Variants in ALMS1 observed in about 807,000 individuals in gnomAD.
The protein encoded by ALMS1 is centrosome-associated protein ALMS1.
A neutral mutation model predicts 352.2 loss-of-function variants in ALMS1; 271 were observed. The observed-to-expected ratio is 0.77, with a 90% CI of 0.70 to 0.85. The LOEUF (loss-of-function observed/expected upper bound fraction) is 0.85, where lower values mean the gene tolerates loss of function less well. Ranked by LOEUF, ALMS1 falls within the 40% of genes least tolerant of loss-of-function variation. The pLI, the probability that ALMS1 is intolerant of heterozygous loss-of-function variation, is 0.00. For missense variants in ALMS1, 5,445 were observed against 4,870.7 expected (o/e 1.12, Z -3.51); for synonymous variants, 1,865 against 1,761.2 (o/e 1.06, Z -1.48).
chr2:73,465,511 G>A (rs1192211271), intron 9 of ALMS1, among the ~76,000 whole-genome samples: 6 of 152,172 alleles, frequency 3.9e-5, no homozygotes, highest in Admixed American at 2.6e-4. Flanking sequence ...AGACTTACAT[G>A]TTAGTCCGAA....
intron 16 of ALMS1, among the ~76,000 whole-genome samples, chr2:73,595,808 CT>C (rs2104177060): frequency 6.6e-6 from 1 of 152,278 alleles, no homozygotes; most frequent in Non-Finnish European, 1.5e-5. Context: ...TATTGTCCAC[CT>C]TTTTATTTAT....
intron 10 of ALMS1, among the ~76,000 whole-genome samples, chr2:73,510,994 A>T (rs1249160942): frequency 6.6e-6 from 1 of 152,202 alleles, no homozygotes; most frequent in Non-Finnish European, 1.5e-5. Flanking sequence ...TGTGAGGGGA[A>T]AACTGCCTAC....
rs145391601 is a variant in ALMS1, at chr2:73,414,242, G to T, written c.451-4881G>T. ...TCAGTGTGCCAATCTTACACGTTTT[G>T]TTAGACTTACTGGTATTTTTAGAAA... On this transcript the variant is annotated intron_variant, in intron 2 of 22. Transcript: ENST00000613296. Among the ~76,000 whole-genome samples the T allele has an allele frequency of 6.0e-3, 913 of 151,870 alleles. 6 individuals are homozygous for T. The highest frequency in any genetic ancestry group is 0.01 in the Middle Eastern group (3 of 292).
At chr2:73,587,690 T>G (rs1675340805) in intron 16 of ALMS1, among the ~76,000 whole-genome samples, 1 of 152,214 alleles carries the variant, frequency 6.6e-6, no homozygotes, top group South Asian at 2.1e-4. Context: ...GGTATTTTGT[T>G]GAGGACTTTT....
At chr2:73,471,039 AT>A (rs1672455360) in intron 9 of ALMS1, 1 of 151,872 alleles carries the variant, frequency 6.6e-6, no homozygotes. Flanking sequence ...TATTTTTAAA[AT>A]TAATTCAGCC....
chr2:73,435,528 G>A (rs1325795867), intron 7 of ALMS1, among the ~76,000 whole-genome samples: 1 of 127,942 alleles, frequency 7.8e-6, no homozygotes, highest in Non-Finnish European at 1.8e-5. Flanking sequence ...CTCCCGTATA[G>A]CTCTATTCCC....
chr2:73,575,915 C>T (rs1371075341), intron 16 of ALMS1, among the ~76,000 whole-genome samples: 1 of 151,844 alleles, frequency 6.6e-6, no homozygotes, highest in Admixed American at 6.6e-5. Context: ...AATCCAGTGT[C>T]GTGAAAGTTT....
chr2:73,395,072 A>ATT (rs1558628491), intron 1 of ALMS1, among the ~76,000 whole-genome samples: 2 of 107,614 alleles, frequency 1.9e-5, no homozygotes, highest in Non-Finnish European at 1.8e-5. Flanking sequence ...ATATATATAT[A>ATT]TATATATTTT....
intron 12 of ALMS1, among the ~76,000 whole-genome samples, chr2:73,542,950 T>G (rs6546845): frequency 0.34 from 51,060 of 151,924 alleles, 10,729 homozygotes; most frequent in African/African-American, 0.59. Context: ...CAAGGTAATT[T>G]ATAGATTCAG....
chr2:73,445,373 C>A (rs563230630), intron 7 of ALMS1, among the ~76,000 whole-genome samples: 1 of 152,224 alleles, frequency 6.6e-6, no homozygotes, highest in South Asian at 2.1e-4. Context: ...ACCCATTAAC[C>A]ATCCTCCTCA....
intron 10 of ALMS1, among the ~76,000 whole-genome samples, chr2:73,501,243 A>G (rs1280049154): frequency 2.0e-5 from 3 of 151,780 alleles, no homozygotes; most frequent in Non-Finnish European, 2.9e-5. Flanking sequence ...TATTGTGAAT[A>G]TTTTCTCATA....
chr2:73,547,383 C>G (rs1674344657), intron 12 of ALMS1, among the ~76,000 whole-genome samples: 1 of 152,218 alleles, frequency 6.6e-6, no homozygotes, highest in Non-Finnish European at 1.5e-5. Context: ...TTTACGCCAG[C>G]TCAGGGTGAC....
At chr2:73,403,939 G>A (rs1431303262) in intron 1 of ALMS1, among the ~76,000 whole-genome samples, 1 of 152,134 alleles carries the variant, frequency 6.6e-6, no homozygotes, top group East Asian at 1.9e-4. Flanking sequence ...TCACTCTGTT[G>A]CCCAGGGTGG....
At chr2:73,520,490 A>C (rs1344385812) in intron 11 of ALMS1, among the ~76,000 whole-genome samples, 1 of 152,244 alleles carries the variant, frequency 6.6e-6, no homozygotes, top group Admixed American at 6.5e-5. Context: ...TTATAAAGCA[A>C]TCACCAGAGA....
chr2:73,562,661 G>C (rs553647680), intron 15 of ALMS1, among the ~76,000 whole-genome samples: 201 of 152,272 alleles, frequency 1.3e-3, no homozygotes, highest in African/African-American at 4.6e-3. Flanking sequence ...GCTGAGGTGG[G>C]TGGATCACCT....
At position 73,559,019 on chromosome 2, in the gene ALMS1, C is replaced by A. The variant is rs763306448; in HGVS notation, c.10261C>A (p.Pro3421Thr). 6.2e-6 allele frequency: 10 copies of A among 1,613,792 alleles called. No individual in the cohort carries two copies. The highest frequency in any genetic ancestry group is 5.0e-5 in the Admixed American group (3 of 59,988). ...AGAGCACTCAGCTCAAGTAGGAGAC[C>A]CAGAAATGAAGAACTTGCCAGACAC... ...AAEHSAQVGD[P>T]EMKNLPDTKA... Residue 3421 changes from proline (P) to threonine (T), a missense_variant, in exon 15 of 23, where the codon CCA (proline) becomes ACA (threonine). Coordinates refer to ENST00000613296, the MANE Select transcript of ALMS1 (RefSeq NM_001378454.1).
At position 73,448,474 on chromosome 2, in the gene ALMS1, A is replaced by G; in HGVS notation, c.1947A>G (p.Ser649=). Reference sequence around the variant, plus strand: ...TAACCGAAGAGCCTTTGGAAGTTTCAGCTGCTCCTGGCCCAGTGGAGCAGA... The same window carrying G: ...TAACCGAAGAGCCTTTGGAAGTTTCGGCTGCTCCTGGCCCAGTGGAGCAGA... ...SNLTEEPLEV[S]AAPGPVEQKT... Residue 649 remains serine (S), a synonymous_variant, in exon 8 of 23, where the codon TCA becomes TCG. Coordinates refer to ENST00000613296, the MANE Select transcript of ALMS1 (RefSeq NM_001378454.1). 6.2e-7 allele frequency: 1 copy of G among 1,613,742 alleles called. No individual in the cohort carries two copies. The highest frequency in any genetic ancestry group is 2.2e-5 in the East Asian group (1 of 44,880).
intron 16 of ALMS1, among the ~76,000 whole-genome samples, chr2:73,581,341 G>GCT (rs1675173579): frequency 6.6e-6 from 1 of 152,142 alleles, no homozygotes; most frequent in Admixed American, 6.5e-5. Context: ...TCAGTCCACG[G>GCT]CTAATACTCA....
intron 9 of ALMS1, among the ~76,000 whole-genome samples, chr2:73,465,814 A>T (rs1219726495): frequency 2.0e-5 from 3 of 152,246 alleles, no homozygotes; most frequent in Non-Finnish European, 4.4e-5. Flanking sequence ...CCCATCAAAA[A>T]GTGGGTGAAG....
Sources: gnomAD v4.1 joint callset for allele counts (sites outside exome capture counted in the v4.1 genomes callset) on GRCh38, gnomAD v4.1.1 for gene constraint, MANE v1.5 for transcripts, NCBI Gene and HGNC (gene_info 2026-07-23, HGNC 2026-07-21) for gene names.